The following SYT1 variants were observed in gnomAD, a reference collection of about 807,000 sequenced individuals.
The protein encoded by SYT1 is synaptotagmin-1.
In SYT1, 8 loss-of-function variants were observed where a neutral mutation model predicts 44.8. That is an observed-to-expected ratio of 0.18 (90% CI 0.10 to 0.32). The LOEUF (loss-of-function observed/expected upper bound fraction) is 0.32. Ranked by LOEUF, SYT1 falls within the 10% of genes least tolerant of loss-of-function variation. The pLI is 1.00. For synonymous variants in SYT1, 154 were observed against 188.8 expected (o/e 0.82, Z 1.51); for missense variants, 286 against 509.3 (o/e 0.56, Z 4.22).
intron 4 of SYT1, among the ~76,000 whole-genome samples, chr12:79,225,927 A>G (rs1875490494): frequency 6.6e-6 from 1 of 152,164 alleles, no homozygotes; most frequent in Non-Finnish European, 1.5e-5. Flanking sequence ...TTACTTAGCA[A>G]TATCTGAAAT....
chr12:78,940,176 A>AT (rs527578739), intron 1 of SYT1, among the ~76,000 whole-genome samples: 8,587 of 150,336 alleles, frequency 0.057, 269 homozygotes, highest in Admixed American at 0.09. Context: ...CTGGTTGATG[A>AT]TTTTTTTTTT....
At chr12:79,227,300 C>T (rs1875580746) in intron 4 of SYT1, among the ~76,000 whole-genome samples, 1 of 152,084 alleles carries the variant, frequency 6.6e-6, no homozygotes, top group Admixed American at 6.6e-5. Context: ...ATTCTTCACA[C>T]TGTTATCTAA....
intron 3 of SYT1, among the ~76,000 whole-genome samples, chr12:79,092,571 A>G (rs1877851571): frequency 1.3e-5 from 2 of 151,832 alleles, no homozygotes; most frequent in South Asian, 2.1e-4. Flanking sequence ...CAAAAAAGTC[A>G]TAAAATCATA....
At chr12:79,259,038 G>A (rs1276272119) in intron 4 of SYT1, among the ~76,000 whole-genome samples, 1 of 152,170 alleles carries the variant, frequency 6.6e-6, no homozygotes, top group East Asian at 1.9e-4. Flanking sequence ...TGAGAAAAGT[G>A]ATTTGAGGTT....
At chr12:79,145,813 A>C (rs1276775808) in intron 3 of SYT1, among the ~76,000 whole-genome samples, 1 of 150,612 alleles carries the variant, frequency 6.6e-6, no homozygotes, top group Admixed American at 6.6e-5. Flanking sequence ...GCTGGAGTGC[A>C]GTGGCGGGAT....
rs571202971 is a variant in SYT1 at position 79,002,780 on chromosome 12, A to G, written c.-84+24849A>G. ...GTTGTTAAGGAGATGAGGAGGTAAA[A>G]TAAGGCAGAATGAGAAACATAGGAG... On this transcript the variant is annotated intron_variant, in intron 2 of 10. Transcript: ENST00000261205. Among the ~76,000 whole-genome samples the G allele has an allele frequency of 5.9e-5, 9 of 152,170 alleles. No individual in the cohort carries two copies. In the South Asian group the frequency reaches 1.7e-3, roughly 28 times the overall value.
chr12:79,239,571 CTT>C (rs1565870058), intron 4 of SYT1, among the ~76,000 whole-genome samples: 1 of 152,252 alleles, frequency 6.6e-6, no homozygotes, highest in East Asian at 1.9e-4. Flanking sequence ...TCTGTACAGT[CTT>C]AACGTTTCTG....
intron 4 of SYT1, among the ~76,000 whole-genome samples, chr12:79,273,662 G>T (rs1179804294): frequency 1.3e-5 from 2 of 152,128 alleles, no homozygotes; most frequent in African/African-American, 2.4e-5. Context: ...ATGAGGAGCG[G>T]CATCAGGACA....
chr12:78,988,900 G>A (rs1394708412), intron 2 of SYT1, among the ~76,000 whole-genome samples: 2 of 152,134 alleles, frequency 1.3e-5, no homozygotes, highest in Non-Finnish European at 2.9e-5. Flanking sequence ...AGAAGTTATT[G>A]CAGTATTCCA....
chr12:79,228,065 C>A (rs1253860342), intron 4 of SYT1, among the ~76,000 whole-genome samples: 1 of 142,014 alleles, frequency 7.0e-6, no homozygotes, highest in Non-Finnish European at 1.5e-5. Context: ...TATAATTTTA[C>A]TTTCTCTCTC....
chr12:79,082,668 G>C (rs1481179672), intron 3 of SYT1, among the ~76,000 whole-genome samples: 3 of 152,180 alleles, frequency 2.0e-5, no homozygotes, highest in Non-Finnish European at 2.9e-5. Context: ...GCTGCTTGCT[G>C]TATCTGAGCC....
chr12:79,274,340 G>A (rs1178278539), intron 4 of SYT1, among the ~76,000 whole-genome samples: 6 of 152,142 alleles, frequency 3.9e-5, no homozygotes, highest in African/African-American at 1.4e-4. Context: ...CTGAGATTCC[G>A]CTGGCAGTTA....
intron 3 of SYT1, among the ~76,000 whole-genome samples, chr12:79,089,202 C>T (rs1877604273): frequency 6.6e-6 from 1 of 151,940 alleles, no homozygotes; most frequent in Non-Finnish European, 1.5e-5. Flanking sequence ...AGAAAGATCA[C>T]ACAGTATAGT....
intron 3 of SYT1, among the ~76,000 whole-genome samples, chr12:79,085,322 C>G (rs991863175): frequency 6.6e-6 from 1 of 152,140 alleles, no homozygotes; most frequent in African/African-American, 2.4e-5. Context: ...TGTGCTCAAA[C>G]AGTTTCAAGT....
intron 9 of SYT1, among the ~76,000 whole-genome samples, chr12:79,431,520 A>ATTTT (rs1185811077): frequency 6.9e-6 from 1 of 145,524 alleles, no homozygotes; most frequent in Non-Finnish European, 1.5e-5. Flanking sequence ...TTTATTATTT[A>ATTTT]TTTATTTATT....
intron 3 of SYT1, among the ~76,000 whole-genome samples, chr12:79,128,091 A>T (rs1216270392): frequency 6.6e-6 from 1 of 152,054 alleles, no homozygotes; most frequent in East Asian, 1.9e-4. Context: ...AGATAGAGAG[A>T]TTAGATAGAT....
intron 3 of SYT1, among the ~76,000 whole-genome samples, chr12:79,118,988 GA>G (rs1196255538): frequency 2.0e-5 from 3 of 151,992 alleles, no homozygotes; most frequent in Non-Finnish European, 4.4e-5. Context: ...ACCCACTTTT[GA>G]ATTCCCTATT....
intron 3 of SYT1, among the ~76,000 whole-genome samples, chr12:79,179,404 A>ATATC: frequency 7.7e-6 from 1 of 130,248 alleles, no homozygotes; most frequent in African/African-American, 3.1e-5. Flanking sequence ...ATATCCATAT[A>ATATC]GATATAGATA....
intron 1 of SYT1, among the ~76,000 whole-genome samples, chr12:78,938,987 T>C (rs1359524746): frequency 6.6e-6 from 1 of 152,178 alleles, no homozygotes; most frequent in African/African-American, 2.4e-5. Context: ...GTCTTATGTA[T>C]AAACATCTGC....
Sources: gnomAD v4.1 joint callset for allele counts (sites outside exome capture counted in the v4.1 genomes callset) on GRCh38, gnomAD v4.1.1 for gene constraint, MANE v1.5 for transcripts, NCBI Gene and HGNC (gene_info 2026-07-23, HGNC 2026-07-21) for gene names.